PRRC2B: variants seen among roughly 807,000 people sequenced by gnomAD.
The protein encoded by PRRC2B is proline rich coiled-coil 2B, also known as protein PRRC2B.
A neutral mutation model predicts 242.3 loss-of-function variants in PRRC2B; 68 were observed. That is an observed-to-expected ratio of 0.28 (90% CI 0.23 to 0.34). The LOEUF is 0.34. PRRC2B is among the 10% of genes least tolerant of loss of function. PRRC2B has a pLI of 1.00. For missense variants in PRRC2B, 2,835 were observed against 2,954.8 expected (o/e 0.96, Z 0.94); for synonymous variants, 1,228 against 1,173.6 (o/e 1.05, Z -0.95).
chr9:131,403,455 A>T (rs1837278041), intron 1 of PRRC2B, among the ~76,000 whole-genome samples: 1 of 151,634 alleles, frequency 6.6e-6, no homozygotes, highest in South Asian at 2.1e-4. Flanking sequence ...AGGTTCAAGC[A>T]ATTCCCCTGC....
chr9:131,447,870 G>A, intron 9 of PRRC2B, 66 bp downstream of exon 9: 4 of 1,498,500 alleles, frequency 2.7e-6, no homozygotes, highest in Non-Finnish European at 3.6e-6. Context: ...TACCAGGGAT[G>A]GAAACCCCCT....
chr9:131,479,254 G>A lies in PRRC2B; in HGVS notation c.4761G>A (p.Val1587=), dbSNP rs745569939. ...ERRKKEQAVQ[V]PVKGRGLSSR... Reference sequence around the variant, plus strand: ...ACAGCATCCTTTCTTCCCCTCAGGTGCCTGTCAAAGGTCGAGGCCTTTCCT... The same window carrying A: ...ACAGCATCCTTTCTTCCCCTCAGGTACCTGTCAAAGGTCGAGGCCTTTCCT... Residue 1587 remains valine, a splice_region_variant and synonymous_variant, in exon 19 of 32, where the codon GTG becomes GTA. Coordinates refer to ENST00000683519, the MANE Select transcript of PRRC2B (RefSeq NM_013318.4). 2.0e-5 allele frequency: 32 copies of A among 1,613,528 alleles called. No individual in the cohort carries two copies. Among genetic ancestry groups the A allele is most frequent in the Non-Finnish European group, 2.5e-5 (30 of 1,179,710 alleles).
chr9:131,416,632 C>T (rs77346122), intron 1 of PRRC2B, among the ~76,000 whole-genome samples: 6,519 of 126,080 alleles, frequency 0.052, 186 homozygotes, highest in South Asian at 0.12. Context: ...TTTTTTTTTT[C>T]CGTTCTAGGA....
At chr9:131,470,737 T>A in intron 13 of PRRC2B, 51 bp from the exon 14 acceptor site, 1 of 1,509,188 alleles carries the variant, frequency 6.6e-7, no homozygotes, top group Admixed American at 1.7e-5. Context: ...GGGTGGCATC[T>A]CTGTCCCTGG....
chr9:131,493,806 G>A (rs1944258463), intron 30 of PRRC2B, among the ~76,000 whole-genome samples: 1 of 152,216 alleles, frequency 6.6e-6, no homozygotes, highest in African/African-American at 2.4e-5. Flanking sequence ...CACAGGCTGA[G>A]CGGGCCTAGG....
chr9:131,445,255 G>A (rs953293361), intron 6 of PRRC2B, among the ~76,000 whole-genome samples: 5 of 152,104 alleles, frequency 3.3e-5, no homozygotes, highest in Non-Finnish European at 7.4e-5. Flanking sequence ...CCGCCTCCCG[G>A]GTTCAAGTGA....
intron 9 of PRRC2B, among the ~76,000 whole-genome samples, chr9:131,450,360 C>T (rs776003788): frequency 4.6e-5 from 7 of 150,958 alleles, no homozygotes; most frequent in Non-Finnish European, 1.0e-4. Flanking sequence ...CTCCGCCTCC[C>T]GGGTTCAAGT....
Position 131,475,335 on chromosome 9 carries a change from G to A in PRRC2B, c.3206G>A (p.Arg1069His), listed in dbSNP as rs377155180. The A allele has an allele frequency of 8.2e-6, 13 of 1,591,598 alleles. No individual in the cohort carries two copies. The highest frequency in any genetic ancestry group is 2.7e-5 in the African/African-American group (2 of 73,806). Residue 1069 changes from arginine (R) to histidine (H), a missense_variant, in exon 16 of 32, where the codon CGT becomes CAT. By Grantham distance (29) the Arg-to-His change is conservative. Transcript: ENST00000683519. ...GVRGQARGRG[R>H]GFREFTFRGR... Reference sequence around the variant, plus strand: ...AGAGGACAGGCCCGGGGCCGGGGCCGTGGTTTCAGAGAGTTCACTTTTCGT... The same window carrying A: ...AGAGGACAGGCCCGGGGCCGGGGCCATGGTTTCAGAGAGTTCACTTTTCGT...
chr9:131,380,428 A>G lies in PRRC2B; in HGVS notation c.-56+6697A>G, dbSNP rs769214424. Among the ~76,000 whole-genome samples the G allele has an allele frequency of 4.0e-5, 6 of 151,482 alleles. No homozygotes were observed. In the South Asian group the frequency reaches 1.3e-3, roughly 32 times the overall value. ...CCTTATCTCTACTAAAAATACAACAAATTAGCCAGGCGTGGTGGTGCGTGC... is the reference window on the plus strand; with the variant it reads ...CCTTATCTCTACTAAAAATACAACAGATTAGCCAGGCGTGGTGGTGCGTGC... On this transcript the variant is annotated intron_variant, in intron 1 of 1. Transcript: ENST00000682525.
chr9:131,470,663 C>T (rs1434173470), intron 13 of PRRC2B, 125 bp from the exon 14 acceptor site: 2 of 713,332 alleles, frequency 2.8e-6, no homozygotes, highest in Non-Finnish European at 4.7e-6. Context: ...CCCTCCCCTC[C>T]TTGGTCTTCT....
chr9:131,461,347 C>T (rs1943236002), intron 11 of PRRC2B, among the ~76,000 whole-genome samples: 1 of 152,122 alleles, frequency 6.6e-6, no homozygotes, highest in Admixed American at 6.5e-5. Context: ...TGCATGCCCT[C>T]CTCCCCTTGC....
At chr9:131,483,796 C>G (rs1319298253) in intron 23 of PRRC2B, among the ~76,000 whole-genome samples, 1 of 152,186 alleles carries the variant, frequency 6.6e-6, no homozygotes, top group Non-Finnish European at 1.5e-5. Context: ...ATCCAAGGGT[C>G]CCTGCCGCCT....
Position 131,496,634 on chromosome 9 carries a change from G to A in PRRC2B, c.*760G>A, listed in dbSNP as rs537344332. ...CAGCAGGCAGGTTGGGGGAGGGGGG[G>A]GGTCATAGTTGGGTTCCAGCTCCTG... On this transcript the variant is annotated 3_prime_UTR_variant, in exon 32 of 32. Coordinates refer to ENST00000683519, the MANE Select transcript of PRRC2B (RefSeq NM_013318.4). 6.7e-6 allele frequency: 1 copy of A among 149,678 alleles called. No individual in the cohort carries two copies. The highest frequency in any genetic ancestry group is 6.6e-5 in the Admixed American group (1 of 15,090). The allele number at this position is 149,678 out of a possible 1,614,324, so 9.3% of individuals were successfully genotyped here. A position where few individuals can be genotyped will look rare whatever the true frequency, so the allele number is the denominator to read the frequency against.
chr9:131,479,477 T>C, intron 19 of PRRC2B, 84 bp downstream of exon 19: 1 of 1,352,904 alleles, frequency 7.4e-7, no homozygotes, highest in Non-Finnish European at 1.0e-6. Context: ...ATCCTGCTTT[T>C]GAGCTACGAA....
At position 131,459,304 on chromosome 9, in the gene PRRC2B, C is replaced by T. The variant is rs540560564; in HGVS notation, c.1352C>T (p.Pro451Leu). ...ASRVVRKAPD[P>L]QPPPRKLHGW... ...CGTGTGGTCCGAAAGGCGCCAGACC[C>T]TCAGCCACCGCCCAGGAAGCTTCAT... The change falls in exon 11 of 32, where the codon CCT becomes CTT. Residue 451 changes from proline to leucine, a missense_variant. By Grantham distance (98) the Pro-to-Leu change is moderately conservative. Around this residue, in one of 7 missense-constraint regions of PRRC2B, gnomAD observed 626 missense variants for 685.5 expected, o/e 0.91. Coordinates refer to ENST00000683519, the MANE Select transcript of PRRC2B (RefSeq NM_013318.4). 9 of 1,613,906 alleles carry T rather than the reference C, an allele frequency of 5.6e-6. No individual in the cohort carries two copies. In the East Asian group the frequency reaches 2.0e-4, roughly 36 times the overall value.
At chr9:131,420,493 C>CTTTTTTTT (rs146073511) in intron 1 of PRRC2B, among the ~76,000 whole-genome samples, 1 of 30,180 alleles carries the variant, frequency 3.3e-5, no homozygotes, top group Non-Finnish European at 6.4e-5. Flanking sequence ...TTCTTTCTTT[C>CTTTTTTTT]TTTTTTTTTT....
chr9:131,427,213 G>T lies in PRRC2B; in HGVS notation c.-51-2881G>T, dbSNP rs72770796. Among the ~76,000 whole-genome samples the T allele has an allele frequency of 5.1e-3, 780 of 152,322 alleles. 5 individuals are homozygous for T. Among genetic ancestry groups the T allele is most frequent in the Non-Finnish European group, 8.6e-3 (582 of 68,024 alleles). ...TTAAATGAATGAAAGGATGGTTTGC[G>T]CACTTGCGTGTTTGACACGGCACCA... On this transcript the variant is annotated intron_variant, in intron 1 of 31. Coordinates refer to ENST00000683519, the MANE Select transcript of PRRC2B (RefSeq NM_013318.4).
At chr9:131,479,003 C>T (rs537950313) in intron 18 of PRRC2B, among the ~76,000 whole-genome samples, 16 of 152,036 alleles carry the variant, frequency 1.1e-4, no homozygotes, top group East Asian at 1.9e-4. Context: ...GGATCGTGAA[C>T]GCTATACTAA....
Position 131,494,356 on chromosome 9 carries a change from C to T in PRRC2B, c.6474-49C>T, listed in dbSNP as rs752129241. 6 of 1,005,750 alleles carry T rather than the reference C, an allele frequency of 6.0e-6. No homozygotes were observed. The highest frequency in any genetic ancestry group is 9.2e-6 in the Non-Finnish European group (6 of 655,364). 62.3% of individuals were successfully genotyped at this position (1,005,750 alleles called of 1,614,324 possible). A position where few individuals can be genotyped will look rare whatever the true frequency, so the allele number is the denominator to read the frequency against. On this transcript the variant is annotated intron_variant, in intron 30 of 31. Transcript: ENST00000683519. This position sits in a 1 kb window ranked among gnomAD's most constrained non-coding sequence, Gnocchi z 4.3. ...CATGTGCTAGGCTTTGACTCCATTT[C>T]TGTGGTGACACGTTGTGTATTCTCA...
Sources: allele counts gnomAD v4.1 joint callset (sites outside exome capture counted in the v4.1 genomes callset), GRCh38; gene constraint gnomAD v4.1.1; regional missense constraint gnomAD v4.1.1; non-coding constraint Gnocchi (gnomAD v3.1); transcripts MANE v1.5; gene names NCBI Gene and HGNC (gene_info 2026-07-23, HGNC 2026-07-21).